The following ZBTB8B variants were observed in gnomAD, a reference collection of about 807,000 sequenced individuals.
ZBTB8B encodes zinc finger and BTB domain containing 8B.
A neutral mutation model predicts 30.3 loss-of-function variants in ZBTB8B; 17 were observed. That is an observed-to-expected ratio of 0.56 (90% confidence interval 0.38 to 0.84). The LOEUF (loss-of-function observed/expected upper bound fraction) is 0.84. Ranked by LOEUF, ZBTB8B falls within the 40% of genes least tolerant of loss-of-function variation. The pLI, the probability that ZBTB8B is intolerant of heterozygous loss-of-function variation, is 0.00. For synonymous variants in ZBTB8B, 248 were observed against 255.6 expected (o/e 0.97, Z 0.28); for missense variants, 515 against 644.9 (o/e 0.80, Z 2.18).
In ZBTB8B at chr1:32,474,343, C is replaced by CAA. The variant is rs57001984; in HGVS notation, c.991+2766_991+2767dup. On this transcript the variant is annotated intron_variant, in intron 2 of 3. Coordinates refer to ENST00000609129, the MANE Select transcript of ZBTB8B (RefSeq NM_001145720.2). ...GCAAGATGGCAAAACCCCATCTCTA[C>CAA]AAAAAAAAAAAAAAAAAAAAAAAAA... Among the ~76,000 whole-genome samples the CAA allele has an allele frequency of 1.8e-3, 72 of 39,176 alleles. 2 individuals carry two copies. Among genetic ancestry groups the CAA allele is most frequent in the African/African-American group, 2.3e-3 (23 of 10,208 alleles). The allele number at this position is 39,176 out of a possible 152,430, so 25.7% of individuals were successfully genotyped here. A position where few individuals can be genotyped will look rare whatever the true frequency, so the allele number is the denominator to read the frequency against.
chr1:32,491,049 G>A lies in ZBTB8B; in HGVS notation c.*5631G>A. 1 of 152,040 alleles carries A rather than the reference G, an allele frequency of 6.6e-6. No individual in the cohort carries two copies. Among genetic ancestry groups the A allele is most frequent in the East Asian group, 1.9e-4 (1 of 5,186 alleles). The allele number at this position is 152,040 out of a possible 1,614,324, so 9.4% of individuals were successfully genotyped here. On this transcript the variant is annotated 3_prime_UTR_variant, in exon 4 of 4. Coordinates refer to ENST00000609129, the MANE Select transcript of ZBTB8B (RefSeq NM_001145720.2). The stretch of plus-strand genomic sequence containing the variant: ...TTCTTCATTGACAATTGTGGTTTTA[G>A]GGGGGGCAATTTTTATATCCATCAT...
chr1:32,479,934 T>G (rs988793685), intron 2 of ZBTB8B, among the ~76,000 whole-genome samples: 1 of 152,146 alleles, frequency 6.6e-6, no homozygotes, highest in African/African-American at 2.4e-5. Flanking sequence ...TTCCAAACAA[T>G]TTAGGGTCTT....
chr1:32,483,815 A>G (rs949415416), intron 3 of ZBTB8B, among the ~76,000 whole-genome samples: 3 of 152,060 alleles, frequency 2.0e-5, no homozygotes, highest in Non-Finnish European at 4.4e-5. Context: ...CTATATTCCC[A>G]GCTACTTGGG....
Position 32,470,894 on chromosome 1 carries a change from G to A in ZBTB8B, c.270G>A (p.Leu90=). ...LDFLYSGKLD[L]CGENVIEVMS... ...TCCTCTATTCTGGGAAGTTGGATTT[G>A]TGTGGGGAGAATGTGATTGAAGTGA... Residue 90 remains leucine, a synonymous_variant, in exon 2 of 4, where the codon TTG becomes TTA. Coordinates refer to ENST00000609129, the MANE Select transcript of ZBTB8B (RefSeq NM_001145720.2). 6.4e-7 allele frequency: 1 copy of A among 1,552,102 alleles called. No homozygotes were observed. Among genetic ancestry groups the A allele is most frequent in the Non-Finnish European group, 8.7e-7 (1 of 1,147,078 alleles).
Position 32,471,568 on chromosome 1 carries a change from T to A in ZBTB8B, c.944T>A (p.Met315Lys). ...AGACCAGAAGGTGCAGGAGTAGCCA[T>A]GAGTTCCATGATGGATGTCCAGGCT... Reference protein sequence around the residue: ...EGRPEGAGVAMSSMMDVQADW... With the variant: ...EGRPEGAGVAKSSMMDVQADW... Residue 315 changes from methionine (M) to lysine (K), a missense_variant, in exon 2 of 4, where the codon ATG becomes AAG. Physicochemically the swap from Met to Lys is moderately conservative, Grantham distance 95. This residue lies in a region of ZBTB8B where 429 missense variants were observed against 504.3 expected (regional missense o/e 0.85). Transcript: ENST00000609129. The A allele has an allele frequency of 6.4e-7, 1 of 1,551,550 alleles. No individual in the cohort carries two copies. The highest frequency in any genetic ancestry group is 8.7e-7 in the Non-Finnish European group (1 of 1,146,788).
chr1:32,480,072 A>G (rs974865763), intron 2 of ZBTB8B, among the ~76,000 whole-genome samples: 1 of 152,336 alleles, frequency 6.6e-6, no homozygotes, highest in Non-Finnish European at 1.5e-5. Flanking sequence ...GAAGGTAGTG[A>G]GATCAATTCA....
rs1643763050 is a variant in ZBTB8B, at chr1:32,488,989, GT to G, written c.*3574del. 1 of 152,104 alleles carries G rather than the reference GT, an allele frequency of 6.6e-6. No homozygotes were observed. Among genetic ancestry groups the G allele is most frequent in the Admixed American group, 6.6e-5 (1 of 15,258 alleles). 9.4% of individuals were successfully genotyped at this position (152,104 alleles called of 1,614,324 possible). ...TTTTTGTATTTTTAGTAGAAATGGG[GT>G]TTCACCATGTTGGCCAGGCTGGTCT... On this transcript the variant is annotated 3_prime_UTR_variant, in exon 4 of 4. Coordinates refer to ENST00000609129, the MANE Select transcript of ZBTB8B (RefSeq NM_001145720.2).
rs192107618 is a variant in ZBTB8B, at chr1:32,471,174, A to G, written c.550A>G (p.Lys184Glu). 2.4e-5 allele frequency: 38 copies of G among 1,551,816 alleles called. 1 individual carries two copies. The East Asian group carries it at 7.8e-4, about 32-fold the overall frequency. ...SLVSSPAEGEKSVECLRESPC... is the reference protein window; with the variant it reads ...SLVSSPAEGEESVECLRESPC... ...GGTCTCCTCTCCAGCCGAGGGAGAAAAGAGCGTGGAGTGCCTGAGAGAGTC... is the reference window on the plus strand; with the variant it reads ...GGTCTCCTCTCCAGCCGAGGGAGAAGAGAGCGTGGAGTGCCTGAGAGAGTC... Residue 184 changes from lysine (K) to glutamate (E), a missense_variant, in exon 2 of 4, where the codon AAG (lysine) becomes GAG (glutamate). Transcript: ENST00000609129.
In ZBTB8B at chr1:32,492,893, G is replaced by A. The variant is rs1188100967; in HGVS notation, c.*7475G>A. 1 of 151,992 alleles carries A rather than the reference G, an allele frequency of 6.6e-6. No homozygotes were observed. Among genetic ancestry groups the A allele is most frequent in the East Asian group, 1.9e-4 (1 of 5,188 alleles). 9.4% of individuals were successfully genotyped at this position (151,992 alleles called of 1,614,324 possible). A position where few individuals can be genotyped will look rare whatever the true frequency, so the allele number is the denominator to read the frequency against. Reference sequence around the variant, plus strand: ...GGTACTCTGAGAACGCGTGGGTCGGGTACCTAGCCAGTCATAGAGCCTCAG... The same window carrying A: ...GGTACTCTGAGAACGCGTGGGTCGGATACCTAGCCAGTCATAGAGCCTCAG... On this transcript the variant is annotated 3_prime_UTR_variant, in exon 4 of 4. Transcript: ENST00000609129.
At chr1:32,470,525 A>AG (rs2148180449) in intron 1 of ZBTB8B, 59 bp from the exon 2 acceptor site, 5 of 1,132,194 alleles carry the variant, frequency 4.4e-6, no homozygotes, top group Non-Finnish European at 5.9e-6. Context: ...AAAAAAAAAA[A>AG]AGAAATCTTG....
intron 3 of ZBTB8B, 71 bp downstream of exon 3, chr1:32,481,140 C>T: frequency 7.3e-7 from 1 of 1,368,510 alleles, no homozygotes; most frequent in South Asian, 1.7e-5. Context: ...AAGGGTGAAG[C>T]CAGCCTGTCT....
intron 3 of ZBTB8B, among the ~76,000 whole-genome samples, chr1:32,483,153 G>C (rs1014766928): frequency 8.6e-5 from 13 of 150,598 alleles, no homozygotes; most frequent in Non-Finnish European, 1.6e-4. Context: ...CACTTTGGGA[G>C]GCTGGGGTGG....
At chr1:32,485,079 C>T in intron 3 of ZBTB8B, 22 bp from the exon 4 acceptor site, 5 of 1,548,422 alleles carry the variant, frequency 3.2e-6, no homozygotes, top group African/African-American at 1.4e-5. Context: ...GTGACATCTA[C>T]TGTGTCTGCT....
rs1405376472 is a variant in ZBTB8B at position 32,470,512 on chromosome 1, A to AG, written c.-41-72_-41-71insG. On this transcript the variant is annotated intron_variant, in intron 1 of 3. Transcript: ENST00000609129. The stretch of plus-strand genomic sequence containing the variant: ...AAGACGCTGACTCAAAAAAAAAAAA[A>AG]AAAAAAAAAAAAAAGAAATCTTGTT... The AG allele has an allele frequency of 4.6e-6, 5 of 1,083,048 alleles. No individual in the cohort carries two copies. The African/African-American group carries it at 5.0e-5, about 11-fold the overall frequency. 67.1% of individuals were successfully genotyped at this position (1,083,048 alleles called of 1,614,324 possible).
rs1426770608 is a variant in ZBTB8B, at chr1:32,465,147, T to C, written c.-42+42T>C. 2 of 152,410 alleles carry C rather than the reference T, an allele frequency of 1.3e-5. No individual in the cohort carries two copies. Among genetic ancestry groups the C allele is most frequent in the African/African-American group, 4.8e-5 (2 of 41,460 alleles). 9.4% of individuals were successfully genotyped at this position (152,410 alleles called of 1,614,324 possible). On this transcript the variant is annotated intron_variant, in intron 1 of 3. Coordinates refer to ENST00000609129, the MANE Select transcript of ZBTB8B (RefSeq NM_001145720.2). The surrounding 1 kb of genome is among the most constrained non-coding windows in gnomAD (Gnocchi z 4.1). ...GGGTTGGCGCTGCCGCTTTCGTTGGTTTGGGGAGGATTCCTAGCACCCGGG... is the reference window on the plus strand; with the variant it reads ...GGGTTGGCGCTGCCGCTTTCGTTGGCTTGGGGAGGATTCCTAGCACCCGGG...
chr1:32,470,681 G>T lies in ZBTB8B; in HGVS notation c.57G>T (p.Lys19Asn), dbSNP rs996846926. 3 of 1,551,592 alleles carry T rather than the reference G, an allele frequency of 1.9e-6. No homozygotes were observed. The African/African-American group carries it at 4.1e-5, about 21-fold the overall frequency. ...TGGGGGAGCTGAATGAACAGAGAAA[G>T]AGGGACTTTTTCTGTGACTGCAGCA... ...KLLGELNEQR[K>N]RDFFCDCSII... The change falls in exon 2 of 4, where the codon AAG becomes AAT. Residue 19 changes from lysine (K) to asparagine (N), a missense_variant. This residue lies in a region of ZBTB8B where 25 missense variants were observed against 22.9 expected (regional missense o/e 1.09). Coordinates refer to ENST00000609129, the MANE Select transcript of ZBTB8B (RefSeq NM_001145720.2).
chr1:32,474,218 T>C (rs1257569490), intron 2 of ZBTB8B, among the ~76,000 whole-genome samples: 3 of 150,984 alleles, frequency 2.0e-5, no homozygotes, highest in East Asian at 3.9e-4. Flanking sequence ...TTGAAAAACT[T>C]GAAAATGGCC....
Position 32,494,027 on chromosome 1 carries a change from C to G in ZBTB8B, c.*8609C>G, listed in dbSNP as rs1200612197. 5 of 151,532 alleles carry G rather than the reference C, an allele frequency of 3.3e-5. No individual in the cohort carries two copies. The highest frequency in any genetic ancestry group is 5.9e-5 in the Non-Finnish European group (4 of 67,902). The allele number at this position is 151,532 out of a possible 1,614,324, so 9.4% of individuals were successfully genotyped here. On this transcript the variant is annotated 3_prime_UTR_variant, in exon 4 of 4. Transcript: ENST00000609129. ...ACCAGCCTGACCAACATGGTGAAAC[C>G]CCATCTCTACTAAAAATATACAAAA... is the stretch of plus-strand genomic sequence containing the variant.
chr1:32,470,499 CAAAAAAAAAAAAA>C (rs60700558), intron 1 of ZBTB8B, 72 bp from the exon 2 acceptor site: 50 of 359,160 alleles, frequency 1.4e-4, no homozygotes, highest in Admixed American at 4.2e-4. Flanking sequence ...GACGCTGACT[CAAAAAAAAAAAAA>C]AAAAAAAAAA....
Sources: gnomAD v4.1 joint callset for allele counts (sites outside exome capture counted in the v4.1 genomes callset) on GRCh38, gnomAD v4.1.1 for gene constraint, gnomAD v4.1.1 regional missense constraint, Gnocchi (gnomAD v3.1) non-coding constraint, MANE v1.5 for transcripts, NCBI Gene and HGNC (gene_info 2026-07-23, HGNC 2026-07-21) for gene names.